Variants in SREK1 observed in about 807,000 individuals in gnomAD.
The protein encoded by SREK1 is splicing regulatory glutamic acid and lysine rich protein 1, also known as splicing regulatory glutamine/lysine-rich protein 1.
Under a neutral mutation model 66.5 loss-of-function variants are expected in SREK1, and 13 were observed. The observed-to-expected ratio is 0.20, with a 90% confidence interval of 0.13 to 0.31. The LOEUF (loss-of-function observed/expected upper bound fraction) is 0.31. SREK1 is among the 10% of genes least tolerant of loss of function. The pLI is 1.00. For synonymous variants in SREK1, 265 were observed against 263.5 expected, an observed-to-expected ratio of 1.01 and a Z score of -0.05; for missense variants, 607 against 769.6, an observed-to-expected ratio of 0.79 and a Z score of 2.50.
At chr5:66,146,848 T>C (rs1743277381) in intron 1 of SREK1, among the ~76,000 whole-genome samples, 1 of 152,200 alleles carries the variant, frequency 6.6e-6, no homozygotes, top group Non-Finnish European at 1.5e-5. Context: ...AAATTGGAAA[T>C]ATATTTATTT....
At chr5:66,153,064 A>G (rs888561509) in intron 1 of SREK1, among the ~76,000 whole-genome samples, 1 of 152,224 alleles carries the variant, frequency 6.6e-6, no homozygotes, top group African/African-American at 2.4e-5. Flanking sequence ...TGCTTGGGAA[A>G]CACATTTAGG....
intron 1 of SREK1, chr5:66,144,885 C>T (rs1743021860): frequency 2.0e-6 from 2 of 1,016,756 alleles, no homozygotes; most frequent in Non-Finnish European, 2.4e-6. Context: ...GAACAGCCCT[C>T]ATGGCAAACG....
At chr5:66,174,794 A>G in intron 9 of SREK1, 152 bp from the exon 10 acceptor site, 1 of 563,966 alleles carries the variant, frequency 1.8e-6, no homozygotes. Context: ...AAAGTTAGGT[A>G]ATTGAACATG....
intron 6 of SREK1, 115 bp from the exon 7 acceptor site, chr5:66,164,668 T>A (rs1745031010): frequency 6.3e-7 from 1 of 1,596,590 alleles, no homozygotes; most frequent in Non-Finnish European, 8.5e-7. Context: ...AGGAGGAGGA[T>A]GTACAGAGAG....
chr5:66,164,637 G>A (rs953933519), intron 6 of SREK1, 146 bp from the exon 7 acceptor site: 3 of 1,561,128 alleles, frequency 1.9e-6, no homozygotes, highest in Non-Finnish European at 2.6e-6. Context: ...TTTATGCAAT[G>A]ACTTTCTTGG....
At position 66,179,499 on chromosome 5, in the gene SREK1, GAC is replaced by G. The variant is rs1450464606; in HGVS notation, c.*633_*634del. 6.6e-6 allele frequency: 1 copy of G among 152,510 alleles called. No homozygotes were observed. The highest frequency in any genetic ancestry group is 1.5e-5 in the Non-Finnish European group (1 of 67,970). 9.4% of individuals were successfully genotyped at this position (152,510 alleles called of 1,614,324 possible). A position where few individuals can be genotyped will look rare whatever the true frequency, so the allele number is the denominator to read the frequency against. ...GCTTAAATAAGTGGATTAAAAAACT[GAC>G]AATGCATGCTACTGTTCTCTTTCAA... On this transcript the variant is annotated 3_prime_UTR_variant, in exon 12 of 12. Coordinates refer to ENST00000334121, the MANE Select transcript of SREK1 (RefSeq NM_001077199.3).
chr5:66,182,931 T>G lies in SREK1; in HGVS notation c.*4063T>G, dbSNP rs1746610200. On this transcript the variant is annotated 3_prime_UTR_variant, in exon 12 of 12. Transcript: ENST00000334121. ...CTTTGGTTATATTCAGTCAGTTGGA[T>G]TTAGTAACTAATAACTAGCTTTCTT... The G allele has an allele frequency of 6.6e-6, 1 of 152,218 alleles. No individual in the cohort carries two copies. Among genetic ancestry groups the G allele is most frequent in the South Asian group, 2.1e-4 (1 of 4,832 alleles). The allele number at this position is 152,218 out of a possible 1,614,324, so 9.4% of individuals were successfully genotyped here.
intron 8 of SREK1, 141 bp from the exon 9 acceptor site, chr5:66,170,444 C>T (rs1369472646): frequency 4.2e-6 from 5 of 1,203,416 alleles, no homozygotes; most frequent in Non-Finnish European, 5.8e-6. Context: ...TCTTGTACAC[C>T]TGAGCTATAT....
At position 66,170,906 on chromosome 5, in the gene SREK1, C is replaced by T. The variant is rs756748292; in HGVS notation, c.1443C>T (p.Pro481=). ...AGGATAAAAAATCCAGAACACCACCCAGGAGTTACAATGCATCGCGAAGAT... is the reference window on the plus strand; with the variant it reads ...AGGATAAAAAATCCAGAACACCACCTAGGAGTTACAATGCATCGCGAAGAT... ...RKKDKKSRTP[P]RSYNASRRSR... is the part of the protein sequence containing the mutation. Residue 481 remains proline, a synonymous_variant, in exon 9 of 12, where the codon CCC becomes CCT. Transcript: ENST00000334121. 3 of 1,611,842 alleles carry T rather than the reference C, an allele frequency of 1.9e-6. No homozygotes were observed. The highest frequency in any genetic ancestry group is 2.5e-6 in the Non-Finnish European group (3 of 1,179,524).
At chr5:66,171,587 C>T (rs116229716) in intron 9 of SREK1, among the ~76,000 whole-genome samples, 9 of 152,060 alleles carry the variant, frequency 5.9e-5, no homozygotes, top group Admixed American at 5.9e-4. Flanking sequence ...CAGATGATAC[C>T]ATGACTGTAA....
At chr5:66,176,407 T>C (rs1746060130) in intron 10 of SREK1, among the ~76,000 whole-genome samples, 1 of 152,164 alleles carries the variant, frequency 6.6e-6, no homozygotes, top group African/African-American at 2.4e-5. Flanking sequence ...TTAGCTTTCC[T>C]TTCAGTGGTT....
Position 66,174,927 on chromosome 5 carries a change from A to G in SREK1, c.1485-19A>G, listed in dbSNP as rs376367704. 5 of 1,604,738 alleles carry G rather than the reference A, an allele frequency of 3.1e-6. No individual in the cohort carries two copies. The highest frequency in any genetic ancestry group is 4.3e-6 in the Non-Finnish European group (5 of 1,175,696). ...ATTTCAATTGCTGTTTTTAAAAATG[A>G]TGTGTTTTTGATTTTCAGGGAAAGG... is the stretch of plus-strand genomic sequence containing the variant. On this transcript the variant is annotated intron_variant, in intron 9 of 11. Transcript: ENST00000334121.
chr5:66,160,615 G>T lies in SREK1; in HGVS notation c.411+1281G>T, dbSNP rs191670138. ...GAGGGGTTTGAGTTTTATTCTTAAG[G>T]TAATTAGAAACCATTGATGGGTTTT... On this transcript the variant is annotated intron_variant, in intron 3 of 11. Coordinates refer to ENST00000334121, the MANE Select transcript of SREK1 (RefSeq NM_001077199.3). Among the ~76,000 whole-genome samples, 148 of 152,192 alleles carry T rather than the reference G, an allele frequency of 9.7e-4. 1 individual carries two copies. Among genetic ancestry groups the T allele is most frequent in the Middle Eastern group, 3.4e-3 (1 of 294 alleles).
At chr5:66,153,857 A>G (rs1744058382) in intron 2 of SREK1, 2 of 392,662 alleles carry the variant, frequency 5.1e-6, no homozygotes, top group Admixed American at 9.7e-5. Context: ...GCAGATTGCA[A>G]AGAAAGCTTT....
chr5:66,182,977 AG>A lies in SREK1; in HGVS notation c.*4110del, dbSNP rs1305724756. Reference sequence around the variant, plus strand: ...TTCTTCCATTCTAAGGTACTTTTATAGTTTCTAGCAATTAGTTTGTTACAAT... The same window carrying A: ...TTCTTCCATTCTAAGGTACTTTTATATTTCTAGCAATTAGTTTGTTACAAT... On this transcript the variant is annotated 3_prime_UTR_variant, in exon 12 of 12. Transcript: ENST00000334121. 6 of 152,190 alleles carry A rather than the reference AG, an allele frequency of 3.9e-5. No homozygotes were observed. The highest frequency in any genetic ancestry group is 1.2e-4 in the African/African-American group (5 of 41,452). The allele number at this position is 152,190 out of a possible 1,614,324, so 9.4% of individuals were successfully genotyped here.
intron 7 of SREK1, chr5:66,169,358 A>T (rs1434096615): frequency 6.6e-6 from 1 of 152,196 alleles, no homozygotes; most frequent in Non-Finnish European, 1.5e-5. Context: ...CTCAAAGGAA[A>T]TGCTCACTGG....
chr5:66,173,303 A>G (rs577363047), intron 9 of SREK1, among the ~76,000 whole-genome samples: 1 of 152,292 alleles, frequency 6.6e-6, no homozygotes, highest in South Asian at 2.1e-4. Context: ...TAATTTTTTA[A>G]TGCTTAAATT....
In SREK1 at chr5:66,156,599, C is replaced by T. The variant is rs567897760; in HGVS notation, c.296-2620C>T. ...TCTAGTTTTTTTCCCCCCTAGTCTA[C>T]ATCTCTCATAAAAACTGATAGCTTC... On this transcript the variant is annotated intron_variant, in intron 2 of 11. Coordinates refer to ENST00000334121, the MANE Select transcript of SREK1 (RefSeq NM_001077199.3). 72 of 985,444 alleles carry T rather than the reference C, an allele frequency of 7.3e-5. No homozygotes were observed. The African/African-American group carries it at 9.2e-4, about 13-fold the overall frequency. 61.0% of individuals were successfully genotyped at this position (985,444 alleles called of 1,614,324 possible). A position where few individuals can be genotyped will look rare whatever the true frequency, so the allele number is the denominator to read the frequency against.
intron 3 of SREK1, 120 bp downstream of exon 3, chr5:66,159,454 G>C (rs1266704093): frequency 5.8e-5 from 47 of 810,750 alleles, no homozygotes; most frequent in Non-Finnish European, 8.1e-5. Context: ...TAATAGAGAG[G>C]ATTCGAAATC....
Sources: gnomAD v4.1 joint callset for allele counts (sites outside exome capture counted in the v4.1 genomes callset) on GRCh38, gnomAD v4.1.1 for gene constraint, MANE v1.5 for transcripts, NCBI Gene and HGNC (gene_info 2026-07-23, HGNC 2026-07-21) for gene names.